ERC1: variants seen among roughly 807,000 people sequenced by gnomAD.
ERC1 encodes RAB6 interacting protein 2.
Under a neutral mutation model 132.0 loss-of-function variants are expected in ERC1, and 56 were observed. That is an observed-to-expected ratio of 0.42 (90% CI 0.34 to 0.53). The LOEUF is 0.53. Ranked by LOEUF, ERC1 falls within the 20% of genes least tolerant of loss-of-function variation. The probability of loss-of-function intolerance (pLI) is 0.03; values close to 1 mark genes in which losing one functional copy is unlikely to be tolerated. For synonymous variants in ERC1, 478 were observed against 476.1 expected (o/e 1.00, Z -0.05); for missense variants, 1,202 against 1,349.9 (o/e 0.89, Z 1.72).
chr12:1,474,236 C>T (rs2093926460), intron 18 of ERC1, among the ~76,000 whole-genome samples: 1 of 152,198 alleles, frequency 6.6e-6, no homozygotes. Flanking sequence ...CTGTTAGAAC[C>T]TCAAGTTTAG....
chr12:1,409,866 G>T (rs1045266962), intron 17 of ERC1, among the ~76,000 whole-genome samples: 2 of 151,968 alleles, frequency 1.3e-5, no homozygotes, highest in African/African-American at 4.8e-5. Flanking sequence ...CTGCCACCAT[G>T]CCTGGCTAAT....
intron 12 of ERC1, among the ~76,000 whole-genome samples, chr12:1,220,991 T>G (rs1169121938): frequency 6.6e-6 from 1 of 152,206 alleles, no homozygotes; most frequent in African/African-American, 2.4e-5. Flanking sequence ...CCTGAGCACT[T>G]AATTTAAATT....
At chr12:1,096,677 C>G (rs1944082326) in intron 3 of ERC1, among the ~76,000 whole-genome samples, 1 of 152,066 alleles carries the variant, frequency 6.6e-6, no homozygotes, top group Non-Finnish European at 1.5e-5. Context: ...TGGAAGAAAA[C>G]AAATAATTTT....
Position 1,490,430 on chromosome 12 carries a change from A to T in ERC1, c.*200A>T, listed in dbSNP as rs1029324438. On this transcript the variant is annotated 3_prime_UTR_variant, in exon 19 of 19. Coordinates refer to ENST00000360905, the MANE Select transcript of ERC1 (RefSeq NM_178040.4). ...TTTCTGCTTTGGATGTGGTCTCTACACTAACCTTCTTGATGTCCAGGGTAG... is the reference window on the plus strand; with the variant it reads ...TTTCTGCTTTGGATGTGGTCTCTACTCTAACCTTCTTGATGTCCAGGGTAG... 5.2e-6 allele frequency: 3 copies of T among 579,394 alleles called. No homozygotes were observed. The highest frequency in any genetic ancestry group is 9.1e-6 in the Non-Finnish European group (3 of 328,448). The allele number at this position is 579,394 out of a possible 1,614,324, so 35.9% of individuals were successfully genotyped here.
intron 11 of ERC1, among the ~76,000 whole-genome samples, chr12:1,185,706 C>T (rs1205191014): frequency 6.7e-6 from 1 of 149,720 alleles, no homozygotes; most frequent in African/African-American, 2.5e-5. Context: ...TCACCTCTCC[C>T]TTCCCGAAAT....
intron 18 of ERC1, among the ~76,000 whole-genome samples, chr12:1,472,292 ATTTG>A (rs1048181831): frequency 6.6e-5 from 10 of 152,088 alleles, no homozygotes; most frequent in African/African-American, 2.4e-4. Context: ...GAAGCTCTTG[ATTTG>A]TTTTTGTTTT....
intron 2 of ERC1, among the ~76,000 whole-genome samples, chr12:1,061,986 C>CT (rs1565887288): frequency 1.5e-5 from 2 of 133,014 alleles, no homozygotes; most frequent in Non-Finnish European, 3.2e-5. Context: ...TTCTTCTTTT[C>CT]TTCTTTTTTT....
intron 8 of ERC1, among the ~76,000 whole-genome samples, chr12:1,156,363 C>T (rs568381912): frequency 1.3e-5 from 2 of 152,028 alleles, no homozygotes; most frequent in Admixed American, 1.3e-4. Flanking sequence ...GCCTCAGCCC[C>T]CTGAGTAGCT....
At chr12:1,161,370 G>A (rs1337238358) in intron 8 of ERC1, among the ~76,000 whole-genome samples, 1 of 152,092 alleles carries the variant, frequency 6.6e-6, no homozygotes. Context: ...GAGGAGGGGT[G>A]TTCCTTTCCA....
intron 18 of ERC1, among the ~76,000 whole-genome samples, chr12:1,465,574 G>A (rs2154424728): frequency 6.6e-6 from 1 of 152,340 alleles, no homozygotes; most frequent in East Asian, 1.9e-4. Context: ...CCTTCTTCCA[G>A]TGGGGCATAA....
intron 3 of ERC1, among the ~76,000 whole-genome samples, chr12:1,090,868 T>TACAGGCAATATGCCTATGCCTGGCCC (rs1565941519): frequency 2.6e-3 from 19 of 7,414 alleles, no homozygotes; most frequent in South Asian, 5.7e-3. Context: ...TTGTTGTTGT[T>TACAGGCAATATGCCTATGCCTGGCCC]ATTATTATTA....
At chr12:1,412,974 T>G (rs908121410) in intron 17 of ERC1, among the ~76,000 whole-genome samples, 17 of 152,170 alleles carry the variant, frequency 1.1e-4, no homozygotes, top group African/African-American at 3.6e-4. Flanking sequence ...GATTGAAAAG[T>G]TGTGACTTAA....
Position 1,495,377 on chromosome 12 carries a change from T to C in ERC1, c.*5147T>C, listed in dbSNP as rs971474949. The stretch of plus-strand genomic sequence containing the variant: ...GATCTCCTAGGCCCAGGCTCTCTCT[T>C]GACCCCAGAGAAGCCACTGTCAGGA... On this transcript the variant is annotated 3_prime_UTR_variant, in exon 19 of 19. Coordinates refer to ENST00000360905, the MANE Select transcript of ERC1 (RefSeq NM_178040.4). 11 of 227,834 alleles carry C rather than the reference T, an allele frequency of 4.8e-5. No individual in the cohort carries two copies. The highest frequency in any genetic ancestry group is 7.8e-5 in the Non-Finnish European group (9 of 114,724). The allele number at this position is 227,834 out of a possible 1,614,324, so 14.1% of individuals were successfully genotyped here. A position where few individuals can be genotyped will look rare whatever the true frequency, so the allele number is the denominator to read the frequency against.
intron 15 of ERC1, among the ~76,000 whole-genome samples, chr12:1,367,054 C>T (rs1296942161): frequency 6.6e-6 from 1 of 152,120 alleles, no homozygotes; most frequent in Non-Finnish European, 1.5e-5. Flanking sequence ...TCTGAAACCT[C>T]TGCAAGGGAA....
At chr12:1,254,805 T>G (rs1406375101) in intron 13 of ERC1, among the ~76,000 whole-genome samples, 1 of 152,168 alleles carries the variant, frequency 6.6e-6, no homozygotes, top group East Asian at 1.9e-4. Flanking sequence ...AATTTTTAAT[T>G]GACAAATAAT....
chr12:1,042,546 A>G (rs767944276), intron 2 of ERC1, among the ~76,000 whole-genome samples: 2 of 150,296 alleles, frequency 1.3e-5, no homozygotes, highest in Non-Finnish European at 3.0e-5. Flanking sequence ...GGGTTTCACT[A>G]TGCCAGGTCT....
At chr12:1,454,964 G>A (rs1489284209) in intron 18 of ERC1, among the ~76,000 whole-genome samples, 1 of 152,030 alleles carries the variant, frequency 6.6e-6, no homozygotes, top group African/African-American at 2.4e-5. Flanking sequence ...TTTTTTTAGG[G>A]GCCTAAGCCC....
At chr12:1,039,337 C>CAAAAAAAAAAAAAAA (rs573363202) in intron 2 of ERC1, among the ~76,000 whole-genome samples, 2 of 113,108 alleles carry the variant, frequency 1.8e-5, no homozygotes, top group Admixed American at 9.7e-5. Context: ...GACGTTGTCT[C>CAAAAAAAAAAAAAAA]AAAAAAAAAA....
chr12:1,124,529 A>G (rs1429722672), intron 7 of ERC1, among the ~76,000 whole-genome samples: 2 of 152,152 alleles, frequency 1.3e-5, no homozygotes, highest in African/African-American at 4.8e-5. Flanking sequence ...TTTAGAGGGA[A>G]ATAGCTAGTT....
Sources: allele counts gnomAD v4.1 joint callset (sites outside exome capture counted in the v4.1 genomes callset), GRCh38; gene constraint gnomAD v4.1.1; transcripts MANE v1.5; gene names NCBI Gene and HGNC (gene_info 2026-07-23, HGNC 2026-07-21).